Variants in C1orf21 observed in about 807,000 individuals in gnomAD.
The protein encoded by C1orf21 is chromosome 1 open reading frame 21.
In C1orf21, 3 loss-of-function variants were observed where a neutral mutation model predicts 18.7. The ratio of observed to expected loss-of-function variants is 0.16; its 90% CI spans 0.07 to 0.42. The LOEUF is 0.42. Among genes scored for constraint, C1orf21 ranks in the 10% least tolerant of loss-of-function variants. The pLI is 0.99. For missense variants in C1orf21, 104 were observed against 143.6 expected (o/e 0.72, Z 1.41); for synonymous variants, 41 against 46.4 (o/e 0.88, Z 0.47).
At chr1:184,519,638 G>T (rs2101968614) in intron 3 of C1orf21, among the ~76,000 whole-genome samples, 1 of 152,298 alleles carries the variant, frequency 6.6e-6, no homozygotes, top group Middle Eastern at 3.4e-3. Flanking sequence ...TCTGCAGGTT[G>T]TTCAGATTTC....
chr1:184,388,595 C>A (rs1208765801), intron 1 of C1orf21, among the ~76,000 whole-genome samples: 1 of 151,776 alleles, frequency 6.6e-6, no homozygotes, highest in East Asian at 1.9e-4. Flanking sequence ...ACTGACACAC[C>A]ATAGATTCCA....
At chr1:184,507,182 C>T (rs902455989) in intron 2 of C1orf21, among the ~76,000 whole-genome samples, 1 of 152,112 alleles carries the variant, frequency 6.6e-6, no homozygotes, top group South Asian at 2.1e-4. Context: ...ATTGTTGGCA[C>T]AGGCATTTTG....
chr1:184,507,303 A>G (rs917453860), intron 2 of C1orf21, among the ~76,000 whole-genome samples: 5 of 152,172 alleles, frequency 3.3e-5, no homozygotes, highest in Non-Finnish European at 5.9e-5. Context: ...GAGATGGAGT[A>G]TCCTGTTTCC....
At position 184,604,144 on chromosome 1, in the gene C1orf21, C is replaced by CCTCAGAG. The variant is rs370598338; in HGVS notation, c.327+5684_327+5690dup. ...TAAACGATTTCTGTAGTCTATTAAA[C>CCTCAGAG]CTCAGAGTTGTTACAGAACCAAATA... is the stretch of plus-strand genomic sequence containing the variant. On this transcript the variant is annotated intron_variant, in intron 5 of 5. Coordinates refer to ENST00000235307, the MANE Select transcript of C1orf21 (RefSeq NM_030806.4). Among the ~76,000 whole-genome samples the CCTCAGAG allele has an allele frequency of 1.4e-4, 22 of 152,302 alleles. No homozygotes were observed. In the East Asian group the frequency reaches 3.5e-3, roughly 24 times the overall value.
At chr1:184,452,286 G>T (rs1187267482) in intron 1 of C1orf21, among the ~76,000 whole-genome samples, 1 of 152,186 alleles carries the variant, frequency 6.6e-6, no homozygotes, top group African/African-American at 2.4e-5. Flanking sequence ...TTTATAAAGA[G>T]TTTGGTTTCT....
chr1:184,420,059 A>C (rs548843267), intron 1 of C1orf21, among the ~76,000 whole-genome samples: 2 of 152,256 alleles, frequency 1.3e-5, no homozygotes, highest in Admixed American at 1.3e-4. Flanking sequence ...ATGAGTTAGG[A>C]TAGAATGTGG....
chr1:184,460,623 T>G (rs74131682), intron 1 of C1orf21, among the ~76,000 whole-genome samples: 632 of 12,882 alleles, frequency 0.049, 2 homozygotes, highest in East Asian at 0.054. Context: ...CGTCGTCGTC[T>G]TCTTCTTCTT....
chr1:184,477,641 C>A (rs780313588), intron 2 of C1orf21, 38 bp downstream of exon 2: 1 of 1,534,900 alleles, frequency 6.5e-7, no homozygotes, highest in Non-Finnish European at 8.9e-7. Context: ...CCCATTGATT[C>A]TAGGCCTTTC....
intron 1 of C1orf21, among the ~76,000 whole-genome samples, chr1:184,393,636 G>A (rs888338425): frequency 1.3e-5 from 2 of 152,082 alleles, no homozygotes; most frequent in Non-Finnish European, 2.9e-5. Context: ...ACTTCTCTTA[G>A]CTATTACATT....
chr1:184,495,834 C>G (rs1252360058), intron 2 of C1orf21, among the ~76,000 whole-genome samples: 1 of 147,956 alleles, frequency 6.8e-6, no homozygotes, highest in Admixed American at 7.0e-5. Flanking sequence ...CAGAGAATTG[C>G]TTGAACCCGG....
chr1:184,423,252 C>T (rs1001694731), intron 1 of C1orf21, among the ~76,000 whole-genome samples: 16 of 152,190 alleles, frequency 1.1e-4, no homozygotes, highest in African/African-American at 1.9e-4. Context: ...TCAGGAACTT[C>T]ACCAGTCTCA....
chr1:184,603,329 G>A (rs550658672), intron 5 of C1orf21, among the ~76,000 whole-genome samples: 7 of 152,312 alleles, frequency 4.6e-5, no homozygotes, highest in African/African-American at 1.7e-4. Flanking sequence ...CTTCCTGTCT[G>A]TAAAAATAGT....
At chr1:184,593,296 C>CGTGTGT (rs1659467281) in intron 4 of C1orf21, among the ~76,000 whole-genome samples, 1 of 140,934 alleles carries the variant, frequency 7.1e-6, no homozygotes, top group East Asian at 2.1e-4. Flanking sequence ...TGTGTGTGTA[C>CGTGTGT]ACACACATGT....
chr1:184,456,443 A>G (rs1383953288), intron 1 of C1orf21, among the ~76,000 whole-genome samples: 2 of 152,174 alleles, frequency 1.3e-5, no homozygotes, highest in East Asian at 3.8e-4. Flanking sequence ...TAATTAACCA[A>G]GTTAAGTAAT....
At chr1:184,531,910 A>G (rs1658467903) in intron 3 of C1orf21, among the ~76,000 whole-genome samples, 1 of 152,188 alleles carries the variant, frequency 6.6e-6, no homozygotes, top group Non-Finnish European at 1.5e-5. Flanking sequence ...TATCTCTTAA[A>G]CAGGTTAGAG....
At chr1:184,492,391 A>G (rs1325811921) in intron 2 of C1orf21, among the ~76,000 whole-genome samples, 2 of 152,214 alleles carry the variant, frequency 1.3e-5, no homozygotes, top group African/African-American at 2.4e-5. Flanking sequence ...CAATTCACTC[A>G]ACTGTGTGGT....
chr1:184,587,718 C>T (rs1659378453), intron 3 of C1orf21, among the ~76,000 whole-genome samples: 1 of 146,308 alleles, frequency 6.8e-6, no homozygotes, highest in Non-Finnish European at 1.5e-5. Flanking sequence ...AGGTCATGAT[C>T]GATTCTCCTG....
chr1:184,395,267 A>G (rs1163293022), intron 1 of C1orf21, among the ~76,000 whole-genome samples: 1 of 152,144 alleles, frequency 6.6e-6, no homozygotes, highest in African/African-American at 2.4e-5. Flanking sequence ...GGTCTAAATA[A>G]GTAGTTATTG....
intron 3 of C1orf21, among the ~76,000 whole-genome samples, chr1:184,518,522 G>C (rs1489365686): frequency 6.6e-6 from 1 of 152,230 alleles, no homozygotes; most frequent in Admixed American, 6.5e-5. Context: ...TGTGAAGAAA[G>C]GATGATATTA....
Sources: allele counts gnomAD v4.1 joint callset (sites outside exome capture counted in the v4.1 genomes callset), GRCh38; gene constraint gnomAD v4.1.1; transcripts MANE v1.5; gene names NCBI Gene and HGNC (gene_info 2026-07-23, HGNC 2026-07-21).